JAK2: variants seen among roughly 807,000 people sequenced by gnomAD.
The protein encoded by JAK2 is Janus kinase 2, also known as tyrosine-protein kinase JAK2.
A neutral mutation model predicts 139.3 loss-of-function variants in JAK2; 86 were observed. The ratio of observed to expected loss-of-function variants is 0.62; its 90% CI spans 0.52 to 0.74. The LOEUF (loss-of-function observed/expected upper bound fraction) is 0.74. Ranked by LOEUF, JAK2 falls within the 30% of genes least tolerant of loss-of-function variation. JAK2 has a pLI of 0.00. For missense variants in JAK2, 1,421 were observed against 1,360.3 expected, an observed-to-expected ratio of 1.04 and a Z score of -0.70; for synonymous variants, 490 against 437.7, an observed-to-expected ratio of 1.12 and a Z score of -1.49.
At chr9:4,991,502 C>G (rs1247550316) in intron 2 of JAK2, among the ~76,000 whole-genome samples, 1 of 152,158 alleles carries the variant, frequency 6.6e-6, no homozygotes, top group Non-Finnish European at 1.5e-5. Flanking sequence ...GGGACTGACC[C>G]TGCTCTCAGC....
chr9:5,090,930 G>C lies in JAK2; in HGVS notation c.3059+19G>C. 1 of 1,510,618 alleles carries C rather than the reference G, an allele frequency of 6.6e-7. No individual in the cohort carries two copies. The highest frequency in any genetic ancestry group is 8.9e-7 in the Non-Finnish European group (1 of 1,120,042). 93.6% of individuals were successfully genotyped at this position (1,510,618 alleles called of 1,614,324 possible). On this transcript the variant is annotated intron_variant, in intron 22 of 24. Coordinates refer to ENST00000381652, the MANE Select transcript of JAK2 (RefSeq NM_004972.4). Reference sequence around the variant, plus strand: ...TATTCTGGTGAGTATATTTCAGTATGATAAATGAAATTTTAGAGCACAGAC... The same window carrying C: ...TATTCTGGTGAGTATATTTCAGTATCATAAATGAAATTTTAGAGCACAGAC...
chr9:5,110,601 ACAGATATG>A (rs1005840012), intron 22 of JAK2: 1 of 182,798 alleles, frequency 5.5e-6, no homozygotes, highest in African/African-American at 2.4e-5. Flanking sequence ...CCTTGCACTT[ACAGATATG>A]CCTTTCTTCA....
intron 22 of JAK2, chr9:5,094,841 A>C (rs1343700380): frequency 1.3e-5 from 2 of 152,146 alleles, no homozygotes; most frequent in Non-Finnish European, 2.9e-5. Flanking sequence ...CTGTACCATA[A>C]ATTTCATTAC....
At chr9:5,113,217 T>TTTC (rs1363031232) in intron 22 of JAK2, among the ~76,000 whole-genome samples, 2 of 117,334 alleles carry the variant, frequency 1.7e-5, no homozygotes, top group Non-Finnish European at 3.3e-5. Context: ...TTTTTTTTTT[T>TTTC]TTCCAGTAAA....
At chr9:5,004,155 T>C (rs1821112859) in intron 2 of JAK2, among the ~76,000 whole-genome samples, 1 of 152,194 alleles carries the variant, frequency 6.6e-6, no homozygotes, top group South Asian at 2.1e-4. Context: ...ACTTAAAATC[T>C]ACTCTTAGCA....
chr9:5,113,349 ATTCTTC>A (rs2130810561), intron 22 of JAK2, among the ~76,000 whole-genome samples: 1 of 149,032 alleles, frequency 6.7e-6, no homozygotes, highest in South Asian at 2.1e-4. Flanking sequence ...AACTTGGCTT[ATTCTTC>A]AAAAGCCAGC....
At chr9:5,015,655 T>C (rs1196703300) in intron 2 of JAK2, among the ~76,000 whole-genome samples, 1 of 152,090 alleles carries the variant, frequency 6.6e-6, no homozygotes, top group Non-Finnish European at 1.5e-5. Context: ...ATCCTATTGT[T>C]TTCTTTCTCG....
At chr9:4,987,947 A>C (rs941344601) in intron 2 of JAK2, among the ~76,000 whole-genome samples, 2 of 152,076 alleles carry the variant, frequency 1.3e-5, no homozygotes, top group East Asian at 3.9e-4. Flanking sequence ...TCTGCCTGTA[A>C]CTCGTGTTTC....
chr9:5,116,972 T>A (rs767272788), intron 22 of JAK2, among the ~76,000 whole-genome samples: 1 of 152,194 alleles, frequency 6.6e-6, no homozygotes, highest in Non-Finnish European at 1.5e-5. Flanking sequence ...ATTTCAACGA[T>A]TGGTTGAATT....
chr9:5,095,157 A>C (rs1373383719), intron 22 of JAK2: 1 of 151,876 alleles, frequency 6.6e-6, no homozygotes, highest in East Asian at 1.9e-4. Context: ...CCATATCCTA[A>C]AGTAAGTTCA....
intron 22 of JAK2, chr9:5,097,744 T>C (rs1371904007): frequency 1.3e-5 from 2 of 152,206 alleles, no homozygotes; most frequent in Non-Finnish European, 2.9e-5. Flanking sequence ...AGCTAATTCA[T>C]CACTAGATAT....
chr9:5,104,941 C>A (rs768050758), intron 22 of JAK2, among the ~76,000 whole-genome samples: 1 of 152,300 alleles, frequency 6.6e-6, no homozygotes, highest in Middle Eastern at 3.4e-3. Context: ...GACAAACTCA[C>A]AGCCAATATC....
chr9:5,039,743 A>T (rs1299598276), intron 4 of JAK2, among the ~76,000 whole-genome samples: 5 of 152,164 alleles, frequency 3.3e-5, no homozygotes, highest in African/African-American at 9.6e-5. Context: ...CAATAGCATA[A>T]CAAATTTTTA....
intron 5 of JAK2, among the ~76,000 whole-genome samples, chr9:5,044,740 C>G (rs1310920729): frequency 1.3e-5 from 2 of 152,024 alleles, no homozygotes; most frequent in African/African-American, 4.8e-5. Flanking sequence ...TTGGACTGAT[C>G]CTTTTGAATT....
intron 2 of JAK2, among the ~76,000 whole-genome samples, chr9:5,017,205 CAT>C (rs1460841857): frequency 1.3e-5 from 2 of 152,002 alleles, no homozygotes; most frequent in African/African-American, 4.8e-5. Context: ...GTGAGGGCAA[CAT>C]ATTTTTTTCA....
chr9:5,034,067 C>T (rs754605600), intron 4 of JAK2, among the ~76,000 whole-genome samples: 7 of 151,394 alleles, frequency 4.6e-5, no homozygotes, highest in Non-Finnish European at 1.0e-4. Flanking sequence ...AAACGGAAAA[C>T]AAAAAAAGGC....
intron 2 of JAK2, among the ~76,000 whole-genome samples, chr9:4,998,440 A>G (rs945515101): frequency 2.0e-5 from 3 of 152,096 alleles, no homozygotes; most frequent in Admixed American, 1.3e-4. Context: ...TATTTTTAGT[A>G]GAGACGGGGT....
intron 18 of JAK2, among the ~76,000 whole-genome samples, chr9:5,080,982 A>G (rs1415616410): frequency 8.2e-5 from 11 of 133,688 alleles, no homozygotes; most frequent in Admixed American, 1.8e-4. Flanking sequence ...TGCAAGCTCC[A>G]CCTCCAAGGT....
At chr9:5,105,370 C>T (rs1821868463) in intron 22 of JAK2, among the ~76,000 whole-genome samples, 1 of 152,082 alleles carries the variant, frequency 6.6e-6, no homozygotes, top group African/African-American at 2.4e-5. Flanking sequence ...GACCTCTGGA[C>T]CTCTTCAAGG....
Sources: gnomAD v4.1 joint callset for allele counts (sites outside exome capture counted in the v4.1 genomes callset) on GRCh38, gnomAD v4.1.1 for gene constraint, MANE v1.5 for transcripts, NCBI Gene and HGNC (gene_info 2026-07-23, HGNC 2026-07-21) for gene names.